Variants in NEGR1 observed in about 807,000 individuals in gnomAD.
NEGR1 encodes neuronal growth regulator 1, also known as IgLON family member 4.
A neutral mutation model predicts 40.9 loss-of-function variants in NEGR1; 10 were observed. The observed-to-expected ratio is 0.24, with a 90% CI of 0.15 to 0.42. The LOEUF (loss-of-function observed/expected upper bound fraction) is 0.42. NEGR1 is among the 10% of genes least tolerant of loss of function. The probability of loss-of-function intolerance (pLI) is 1.00; values close to 1 mark genes in which losing one functional copy is unlikely to be tolerated. For missense variants in NEGR1, 352 were observed against 438.9 expected (o/e 0.80, Z 1.77); for synonymous variants, 185 against 166.8 (o/e 1.11, Z -0.84).
intron 1 of NEGR1, among the ~76,000 whole-genome samples, chr1:71,961,173 G>A (rs1646162608): frequency 6.6e-6 from 1 of 152,122 alleles, no homozygotes; most frequent in Non-Finnish European, 1.5e-5. Context: ...AACTTTGGCT[G>A]TGGGTGGGCT....
At chr1:72,030,193 CT>C (rs758800300) in intron 1 of NEGR1, among the ~76,000 whole-genome samples, 227 of 145,186 alleles carry the variant, frequency 1.6e-3, no homozygotes, top group South Asian at 4.4e-3. Flanking sequence ...GCTAGGGATA[CT>C]TTTTTTTTTT....
At chr1:71,863,469 A>G (rs1660014728) in intron 2 of NEGR1, among the ~76,000 whole-genome samples, 1 of 152,134 alleles carries the variant, frequency 6.6e-6, no homozygotes, top group Non-Finnish European at 1.5e-5. Context: ...AAGGAAGAAC[A>G]TCAGGAAGAA....
chr1:71,655,870 C>T (rs2101586314), intron 4 of NEGR1, among the ~76,000 whole-genome samples: 1 of 152,270 alleles, frequency 6.6e-6, no homozygotes. Flanking sequence ...TGACTTAATC[C>T]AATGCCAAGG....
At chr1:72,089,822 T>C (rs1648391154) in intron 1 of NEGR1, among the ~76,000 whole-genome samples, 1 of 152,130 alleles carries the variant, frequency 6.6e-6, no homozygotes, top group Non-Finnish European at 1.5e-5. Context: ...ATGTAACTAA[T>C]TAATCAGTGA....
At chr1:71,649,427 T>G (rs1228168175) in intron 4 of NEGR1, among the ~76,000 whole-genome samples, 2 of 152,086 alleles carry the variant, frequency 1.3e-5, no homozygotes, top group Non-Finnish European at 2.9e-5. Context: ...ATTATATAAC[T>G]AAATTGGAAA....
rs186224352 is a variant in NEGR1, at chr1:71,986,922, C to T, written c.177-51611G>A. On this transcript the variant is annotated intron_variant, in intron 1 of 6. Coordinates refer to ENST00000357731, the MANE Select transcript of NEGR1 (RefSeq NM_173808.3). ...TTGCAGCAGGGAACTGTAGAACCTA[C>T]AGGTCAGTATAATAATCTACAAAAG... is the stretch of plus-strand genomic sequence containing the variant. Among the ~76,000 whole-genome samples, 266 of 152,292 alleles carry T rather than the reference C, an allele frequency of 1.7e-3. 1 individual carries two copies. The highest frequency in any genetic ancestry group is 6.2e-3 in the African/African-American group (257 of 41,558).
intron 1 of NEGR1, among the ~76,000 whole-genome samples, chr1:72,146,248 A>G (rs1650904637): frequency 6.6e-6 from 1 of 152,192 alleles, no homozygotes; most frequent in African/African-American, 2.4e-5. Context: ...TAAACACAAC[A>G]TCTTAAGTGG....
chr1:71,633,598 C>G (rs908323583), intron 4 of NEGR1, among the ~76,000 whole-genome samples: 1 of 152,014 alleles, frequency 6.6e-6, no homozygotes, highest in Non-Finnish European at 1.5e-5. Flanking sequence ...TGTTTATTAC[C>G]ATGGAAAGTT....
intron 6 of NEGR1, among the ~76,000 whole-genome samples, chr1:71,430,419 T>C (rs1646458273): frequency 1.3e-5 from 2 of 152,162 alleles, no homozygotes; most frequent in Admixed American, 6.5e-5. Flanking sequence ...ATGTGCCTTT[T>C]TCTCTCTTGC....
chr1:71,581,164 T>C (rs1249035805), intron 6 of NEGR1, among the ~76,000 whole-genome samples: 1 of 152,148 alleles, frequency 6.6e-6, no homozygotes, highest in African/African-American at 2.4e-5. Flanking sequence ...ATATGGCACA[T>C]CTCTTCCCAA....
chr1:72,209,377 C>G (rs1037540250), intron 1 of NEGR1, among the ~76,000 whole-genome samples: 4 of 151,564 alleles, frequency 2.6e-5, no homozygotes, highest in African/African-American at 9.7e-5. Context: ...AATATCAGTG[C>G]CATTTTTCAG....
At position 72,018,764 on chromosome 1, in the gene NEGR1, C is replaced by G. The variant is rs533295056; in HGVS notation, c.177-83453G>C. Among the ~76,000 whole-genome samples the G allele has an allele frequency of 1.2e-4, 18 of 152,172 alleles. No individual in the cohort carries two copies. The South Asian group carries it at 3.7e-3, about 32-fold the overall frequency. Reference sequence around the variant, plus strand: ...CAGTATGGCTGCAGTGAGCTCAGGGCAGGAGGGGAGGAGAAGGAGGACTTT... The same window carrying G: ...CAGTATGGCTGCAGTGAGCTCAGGGGAGGAGGGGAGGAGAAGGAGGACTTT... On this transcript the variant is annotated intron_variant, in intron 1 of 6. Coordinates refer to ENST00000357731, the MANE Select transcript of NEGR1 (RefSeq NM_173808.3).
intron 1 of NEGR1, among the ~76,000 whole-genome samples, chr1:72,282,074 T>C (rs1222217521): frequency 2.0e-5 from 3 of 152,118 alleles, no homozygotes; most frequent in African/African-American, 7.2e-5. Context: ...GACAGTTCAC[T>C]CATCCCCAGG....
intron 1 of NEGR1, among the ~76,000 whole-genome samples, chr1:71,952,196 G>C (rs746395812): frequency 6.6e-6 from 1 of 151,964 alleles, no homozygotes; most frequent in African/African-American, 2.4e-5. Context: ...CAAAAGACAA[G>C]ACAGGTTAAA....
At chr1:72,275,206 C>G (rs569099162) in intron 1 of NEGR1, 5 of 596,632 alleles carry the variant, frequency 8.4e-6, no homozygotes, top group Non-Finnish European at 1.5e-5. Context: ...TACATCTTCA[C>G]AAAATATCAA....
chr1:72,278,953 A>G (rs868745710), intron 1 of NEGR1, among the ~76,000 whole-genome samples: 1 of 152,120 alleles, frequency 6.6e-6, no homozygotes, highest in Non-Finnish European at 1.5e-5. Flanking sequence ...TACTATATTG[A>G]ATATCTGTAT....
rs373552146 is a variant in NEGR1, at chr1:71,434,862, C to T, written c.941-27292G>A. ...ATCCCAGCACTTTGGGAGGCCAAGG[C>T]GGGCGGATCACGAGGTCAGGAGATC... On this transcript the variant is annotated intron_variant, in intron 6 of 6. Coordinates refer to ENST00000357731, the MANE Select transcript of NEGR1 (RefSeq NM_173808.3). 5.3e-5 allele frequency among the ~76,000 whole-genome samples: 8 copies of T among 152,112 alleles called. 1 individual carries two copies. The highest frequency in any genetic ancestry group is 3.9e-4 in the East Asian group (2 of 5,160).
intron 3 of NEGR1, among the ~76,000 whole-genome samples, chr1:71,726,472 A>G (rs1444405207): frequency 6.6e-6 from 1 of 152,138 alleles, no homozygotes; most frequent in East Asian, 1.9e-4. Flanking sequence ...TTCCGAAGTT[A>G]GGAGCTGGTG....
rs1020717435 is a variant in NEGR1, at chr1:71,398,077, C to T, written c.*9369G>A. 1 of 152,246 alleles carries T rather than the reference C, an allele frequency of 6.6e-6. No individual in the cohort carries two copies. Among genetic ancestry groups the T allele is most frequent in the Non-Finnish European group, 1.5e-5 (1 of 68,112 alleles). The allele number at this position is 152,246 out of a possible 1,614,324, so 9.4% of individuals were successfully genotyped here. On this transcript the variant is annotated 3_prime_UTR_variant, in exon 7 of 7. Coordinates refer to ENST00000357731, the MANE Select transcript of NEGR1 (RefSeq NM_173808.3). Reference sequence around the variant, plus strand: ...AAAAATTGAGGCTTGGAAACCACCACCTAAATTTCAGAGGATGTATAGAAA... The same window carrying T: ...AAAAATTGAGGCTTGGAAACCACCATCTAAATTTCAGAGGATGTATAGAAA...
Sources: gnomAD v4.1 joint callset for allele counts (sites outside exome capture counted in the v4.1 genomes callset) on GRCh38, gnomAD v4.1.1 for gene constraint, MANE v1.5 for transcripts, NCBI Gene and HGNC (gene_info 2026-07-23, HGNC 2026-07-21) for gene names.